YBEY: variants seen among roughly 807,000 people sequenced by gnomAD.
YBEY encodes the protein ybeY metalloendoribonuclease.
YBEY carries 15 observed loss-of-function variants against 13.5 expected under a neutral mutation model. The observed-to-expected ratio is 1.11, with a 90% CI of 0.75 to 1.72. The LOEUF is 1.72. Ranked by LOEUF, YBEY falls within the 40% of genes most tolerant of loss-of-function variation. The pLI, the probability that YBEY is intolerant of heterozygous loss-of-function variation, is 0.00. For synonymous variants in YBEY, 101 were observed against 83.1 expected (o/e 1.21, Z -1.17); for missense variants, 244 against 208.4 (o/e 1.17, Z -1.05).
At chr21:46,287,183 G>A in intron 2 of YBEY, 60 bp downstream of exon 2, 6 of 1,384,092 alleles carry the variant, frequency 4.3e-6, no homozygotes, top group Non-Finnish European at 5.9e-6. Context: ...ATTTCCTGTC[G>A]TTTTGTTTTG....
chr21:46,295,949 G>A (rs11911263), intron 3 of YBEY, among the ~76,000 whole-genome samples: 35,918 of 151,758 alleles, frequency 0.24, 6,802 homozygotes, highest in African/African-American at 0.52. Context: ...AGCAATCCAC[G>A]TTGACTAAAG....
intron 4 of YBEY, among the ~76,000 whole-genome samples, chr21:46,297,276 A>C (rs115961782): frequency 0.72 from 92,099 of 128,068 alleles, 30,633 homozygotes; most frequent in Non-Finnish European, 0.77. Flanking sequence ...TTCCCTTCCC[A>C]CCTCCCATGC....
Position 46,297,734 on chromosome 21 carries a change from C to G in YBEY, c.*100C>G, listed in dbSNP as rs1357577545. On this transcript the variant is annotated 3_prime_UTR_variant, in exon 5 of 5. Transcript: ENST00000397701. Reference sequence around the variant, plus strand: ...TAACGAATGAACGTACGAGGGGAACCTCCTCTTATTTCCTTCACGTTGCAT... The same window carrying G: ...TAACGAATGAACGTACGAGGGGAACGTCCTCTTATTTCCTTCACGTTGCAT... 1 of 1,250,528 alleles carries G rather than the reference C, an allele frequency of 8.0e-7. No homozygotes were observed. Among genetic ancestry groups the G allele is most frequent in the Non-Finnish European group, 1.0e-6 (1 of 990,480 alleles). 77.5% of individuals were successfully genotyped at this position (1,250,528 alleles called of 1,614,324 possible).
chr21:46,304,920 G>C, the YBEY span, among the ~76,000 whole-genome samples: 1 of 152,186 alleles, frequency 6.6e-6, no homozygotes, highest in Non-Finnish European at 1.5e-5. Flanking sequence ...TGATCCTTGA[G>C]GACATCACAC....
intron 3 of YBEY, among the ~76,000 whole-genome samples, 190 bp from the exon 4 acceptor site, chr21:46,295,972 G>A (rs535396229): frequency 6.6e-6 from 1 of 152,170 alleles, no homozygotes. Flanking sequence ...TCTCAAAGGG[G>A]CTTGCTTGCT....
the YBEY span, among the ~76,000 whole-genome samples, chr21:46,310,387 G>T: frequency 6.6e-6 from 1 of 151,762 alleles, no homozygotes; most frequent in Non-Finnish European, 1.5e-5. Flanking sequence ...GCTGAGGCAG[G>T]AGAATTGCTT....
the YBEY span, chr21:46,311,530 G>T: frequency 6.2e-7 from 1 of 1,612,142 alleles, no homozygotes; most frequent in Admixed American, 1.7e-5. Context: ...TGGCTGCTGA[G>T]GGAGCTGCTG....
intron 2 of YBEY, among the ~76,000 whole-genome samples, chr21:46,287,613 A>C (rs2081511187): frequency 6.6e-6 from 1 of 152,218 alleles, no homozygotes; most frequent in African/African-American, 2.4e-5. Flanking sequence ...TATACACAAA[A>C]GTAGAGAGAG....
chr21:46,296,078 A>T, intron 3 of YBEY, 84 bp from the exon 4 acceptor site: 1 of 1,482,246 alleles, frequency 6.7e-7, no homozygotes, highest in Non-Finnish European at 9.4e-7. Context: ...ACATACCAAG[A>T]GCAGCCTGTG....
chr21:46,296,131 C>A (rs1569104052), intron 3 of YBEY, 31 bp from the exon 4 acceptor site: 1 of 1,613,188 alleles, frequency 6.2e-7, no homozygotes, highest in African/African-American at 1.3e-5. Context: ...GTGGGGTCAT[C>A]CTCTGAGCCG....
At chr21:46,297,125 C>T (rs1240308249) in intron 4 of YBEY, among the ~76,000 whole-genome samples, 1 of 151,982 alleles carries the variant, frequency 6.6e-6, no homozygotes, top group Non-Finnish European at 1.5e-5. Flanking sequence ...ATGGTGAAAC[C>T]CGGTCTCTAC....
the YBEY span, among the ~76,000 whole-genome samples, chr21:46,307,898 A>G: frequency 1.4e-4 from 22 of 152,352 alleles, no homozygotes; most frequent in Admixed American, 7.8e-4. Context: ...AAGACTGACC[A>G]TACCACATGT....
the YBEY span, among the ~76,000 whole-genome samples, chr21:46,308,548 G>C: frequency 6.6e-6 from 1 of 152,196 alleles, no homozygotes; most frequent in African/African-American, 2.4e-5. Context: ...TCCACAGAAA[G>C]ACTGAGGCAG....
At chr21:46,295,322 C>T (rs1293155143) in intron 3 of YBEY, among the ~76,000 whole-genome samples, 2 of 152,012 alleles carry the variant, frequency 1.3e-5, no homozygotes, top group African/African-American at 2.4e-5. Flanking sequence ...CTGCCTTGTC[C>T]TCCATGTCTC....
chr21:46,312,916 A>C, the YBEY span: 1 of 841,896 alleles, frequency 1.2e-6, no homozygotes, highest in Non-Finnish European at 1.4e-6. Context: ...ACACGTCATG[A>C]AAATGAACTT....
At chr21:46,294,600 G>A (rs377086808) in intron 3 of YBEY, among the ~76,000 whole-genome samples, 454 of 41,254 alleles carry the variant, frequency 0.011, 2 homozygotes, top group South Asian at 0.023. Flanking sequence ...AGCCTGACCC[G>A]TGCCCGGGAC....
intron 3 of YBEY, among the ~76,000 whole-genome samples, chr21:46,293,253 C>CTT (rs1569100063): frequency 3.5e-4 from 23 of 66,400 alleles, no homozygotes; most frequent in South Asian, 8.3e-4. Flanking sequence ...ATTCCTCCCG[C>CTT]GGTTAGCCTG....
At chr21:46,291,852 T>A in intron 3 of YBEY, 3 of 1,057,260 alleles carry the variant, frequency 2.8e-6, no homozygotes, top group Non-Finnish European at 2.3e-6. Flanking sequence ...CTATGGGTTC[T>A]TCCTGCCCAC....
chr21:46,291,583 G>A, intron 3 of YBEY, 121 bp downstream of exon 3: 1 of 1,510,348 alleles, frequency 6.6e-7, no homozygotes, highest in Non-Finnish European at 8.8e-7. Flanking sequence ...ACTGGGGGAA[G>A]AACCTGTAAG....
Sources: allele counts gnomAD v4.1 joint callset (sites outside exome capture counted in the v4.1 genomes callset), GRCh38; gene constraint gnomAD v4.1.1; transcripts MANE v1.5; gene names NCBI Gene and HGNC (gene_info 2026-07-23, HGNC 2026-07-21).